TRHR: variants seen among roughly 807,000 people sequenced by gnomAD.
TRHR encodes thyrotropin releasing hormone receptor.
Under a neutral mutation model 28.0 loss-of-function variants are expected in TRHR, and 14 were observed. That is an observed-to-expected ratio of 0.50 (90% CI 0.33 to 0.78). The LOEUF (loss-of-function observed/expected upper bound fraction) is 0.78. Among genes scored for constraint, TRHR ranks in the 30% least tolerant of loss-of-function variants. The pLI is 0.02. For synonymous variants in TRHR, 176 were observed against 171.9 expected, an observed-to-expected ratio of 1.02 and a Z score of -0.18; for missense variants, 438 against 469.5, an observed-to-expected ratio of 0.93 and a Z score of 0.62.
intron 2 of TRHR, among the ~76,000 whole-genome samples, chr8:109,091,209 G>A (rs577045741): frequency 6.6e-6 from 1 of 152,266 alleles, no homozygotes; most frequent in South Asian, 2.1e-4. Context: ...TTAAAGTAAA[G>A]AGTATACCAG....
At chr8:109,100,341 G>T (rs929125721) in intron 2 of TRHR, among the ~76,000 whole-genome samples, 5 of 152,124 alleles carry the variant, frequency 3.3e-5, no homozygotes, top group Non-Finnish European at 7.4e-5. Flanking sequence ...GAATCAATTG[G>T]AAATCTCTCT....
Position 109,119,125 on chromosome 8 carries a change from C to T in TRHR, c.867C>T (p.Asn289=), listed in dbSNP as rs761767926. Residue 289 remains asparagine (N), a synonymous_variant, in exon 3 of 3, where the codon AAC becomes AAT. Transcript: ENST00000518632. ...WMPYRTLVVV[N]SFLSSPFQEN... The stretch of plus-strand genomic sequence containing the variant: ...CCTACAGGACTCTAGTGGTTGTCAA[C>T]TCATTTCTCTCCAGTCCTTTCCAAG... 6 of 1,612,922 alleles carry T rather than the reference C, an allele frequency of 3.7e-6. No homozygotes were observed. The East Asian group carries it at 1.3e-4, about 36-fold the overall frequency.
chr8:109,121,428 A>G lies in TRHR; in HGVS notation c.*1973A>G, dbSNP rs1050988227. ...TATCATTGAGCATCGACTATGTCTC[A>G]GGTATGCTGGTAGGTAGTCAATCAA... On this transcript the variant is annotated 3_prime_UTR_variant, in exon 3 of 3. Transcript: ENST00000518632. Among the ~76,000 whole-genome samples the G allele has an allele frequency of 2.0e-5, 3 of 151,690 alleles. No individual in the cohort carries two copies. Among genetic ancestry groups the G allele is most frequent in the African/African-American group, 7.3e-5 (3 of 41,364 alleles).
intron 2 of TRHR, 45 bp from the exon 3 acceptor site, chr8:109,119,002 TG>T: frequency 6.2e-7 from 1 of 1,610,918 alleles, no homozygotes; most frequent in Non-Finnish European, 8.5e-7. Flanking sequence ...GGTTTTGTTT[TG>T]TTTTCATTTG....
chr8:109,115,492 G>A (rs1402490117), intron 2 of TRHR, among the ~76,000 whole-genome samples: 2 of 152,118 alleles, frequency 1.3e-5, no homozygotes, highest in Non-Finnish European at 2.9e-5. Context: ...TCATTGAGCA[G>A]TGGTTTGTAG....
At chr8:109,102,881 G>C (rs1447603975) in intron 2 of TRHR, among the ~76,000 whole-genome samples, 1 of 152,056 alleles carries the variant, frequency 6.6e-6, no homozygotes, top group African/African-American at 2.4e-5. Context: ...ACCATATTTA[G>C]AAGAGCCACT....
chr8:109,114,449 ATC>A (rs1474963698), intron 2 of TRHR, among the ~76,000 whole-genome samples: 1 of 152,026 alleles, frequency 6.6e-6, no homozygotes, highest in Admixed American at 6.6e-5. Flanking sequence ...TTGCAGCTGT[ATC>A]TCTCTTTCTG....
chr8:109,091,074 T>C (rs150827718), intron 2 of TRHR, among the ~76,000 whole-genome samples: 54 of 152,166 alleles, frequency 3.5e-4, no homozygotes, highest in African/African-American at 1.2e-3. Context: ...TGTTCAGGGA[T>C]GAGAAATCTG....
intron 2 of TRHR, among the ~76,000 whole-genome samples, chr8:109,117,994 A>G (rs1040350031): frequency 2.6e-5 from 4 of 151,960 alleles, no homozygotes; most frequent in African/African-American, 9.7e-5. Context: ...TATTGACCTC[A>G]TCCTACCTAT....
chr8:109,108,750 T>G (rs1366849428), intron 2 of TRHR, among the ~76,000 whole-genome samples: 1 of 152,136 alleles, frequency 6.6e-6, no homozygotes, highest in Non-Finnish European at 1.5e-5. Flanking sequence ...CAAAATGACA[T>G]TTTATTTTCT....
At chr8:109,099,788 T>C (rs1303273411) in intron 2 of TRHR, among the ~76,000 whole-genome samples, 1 of 152,226 alleles carries the variant, frequency 6.6e-6, no homozygotes, top group Non-Finnish European at 1.5e-5. Flanking sequence ...AATCCTTGGA[T>C]AGATTGCTCT....
In TRHR at chr8:109,102,322, A is replaced by C. The variant is rs1230089247; in HGVS notation, c.789+14021A>C. Among the ~76,000 whole-genome samples, 5 of 152,088 alleles carry C rather than the reference A, an allele frequency of 3.3e-5. No homozygotes were observed. The East Asian group carries it at 7.7e-4, about 24-fold the overall frequency. On this transcript the variant is annotated intron_variant, in intron 2 of 2. Transcript: ENST00000518632. ...TAGTAGAGTGGAAGGAATTATTTGT[A>C]GATGCACAAGCAAGACTTGATATTG...
intron 2 of TRHR, among the ~76,000 whole-genome samples, chr8:109,112,632 T>C (rs1242355298): frequency 6.6e-6 from 1 of 152,190 alleles, no homozygotes; most frequent in African/African-American, 2.4e-5. Flanking sequence ...AAAACCCCCA[T>C]GATTCCATAG....
chr8:109,103,803 G>A (rs977634827), intron 2 of TRHR, among the ~76,000 whole-genome samples: 5 of 152,030 alleles, frequency 3.3e-5, no homozygotes, highest in Admixed American at 6.6e-5. Context: ...ATAATCAATC[G>A]GGAAAGGTTA....
chr8:109,093,420 T>C (rs1811543428), intron 2 of TRHR, among the ~76,000 whole-genome samples: 1 of 145,814 alleles, frequency 6.9e-6, no homozygotes, highest in Non-Finnish European at 1.5e-5. Flanking sequence ...TTTTTTTTTT[T>C]TTTTGAGACA....
At chr8:109,099,043 G>C (rs545472675) in intron 2 of TRHR, among the ~76,000 whole-genome samples, 54 of 152,252 alleles carry the variant, frequency 3.5e-4, no homozygotes, top group African/African-American at 1.3e-3. Flanking sequence ...GTAAAGCCTG[G>C]ATATACAGGA....
rs866171138 is a variant in TRHR at position 109,120,291 on chromosome 8, T to C, written c.*836T>C. ...TCAAGACAAAGCAAGTATTTATAAT[T>C]AGATTTTGCTTCTTCTCTGACGCTT... On this transcript the variant is annotated 3_prime_UTR_variant, in exon 3 of 3. Transcript: ENST00000518632. Among the ~76,000 whole-genome samples, 25 of 152,074 alleles carry C rather than the reference T, an allele frequency of 1.6e-4. No homozygotes were observed. Among genetic ancestry groups the C allele is most frequent in the Middle Eastern group, 6.8e-3 (2 of 294 alleles).
intron 2 of TRHR, among the ~76,000 whole-genome samples, chr8:109,116,261 CTCT>C (rs1811920078): frequency 6.6e-6 from 1 of 152,074 alleles, no homozygotes; most frequent in Non-Finnish European, 1.5e-5. Context: ...GTCTAAAATT[CTCT>C]TTTTTTGTTG....
At chr8:109,112,703 A>G (rs971247771) in intron 2 of TRHR, among the ~76,000 whole-genome samples, 1 of 152,196 alleles carries the variant, frequency 6.6e-6, no homozygotes, top group African/African-American at 2.4e-5. Flanking sequence ...CAATATTTAC[A>G]GTGATTAAAA....
Sources: gnomAD v4.1 joint callset for allele counts (sites outside exome capture counted in the v4.1 genomes callset) on GRCh38, gnomAD v4.1.1 for gene constraint, MANE v1.5 for transcripts, NCBI Gene and HGNC (gene_info 2026-07-23, HGNC 2026-07-21) for gene names.